Variants in NBAS observed in about 807,000 individuals in gnomAD.
NBAS encodes the protein NBAS subunit of NRZ tethering complex, also known as NAG/BC035112 fusion.
NBAS carries 219 observed loss-of-function variants against 302.5 expected under a neutral mutation model. That is an observed-to-expected ratio of 0.72 (90% CI 0.65 to 0.81). The LOEUF (loss-of-function observed/expected upper bound fraction) is 0.81, where lower values mean the gene tolerates loss of function less well. Ranked by LOEUF, NBAS falls within the 30% of genes least tolerant of loss-of-function variation. NBAS has a pLI of 0.00. For missense variants in NBAS, 2,932 were observed against 2,841.6 expected (o/e 1.03, Z -0.72); for synonymous variants, 1,118 against 1,021.6 (o/e 1.09, Z -1.80).
chr2:15,243,778 A>G (rs1667967813), intron 44 of NBAS, among the ~76,000 whole-genome samples: 1 of 152,214 alleles, frequency 6.6e-6, no homozygotes, highest in East Asian at 1.9e-4. Context: ...GCAGGAGTGA[A>G]ACAAAATAAA....
the NBAS span, among the ~76,000 whole-genome samples, chr2:14,790,268 G>A: frequency 6.6e-6 from 1 of 152,084 alleles, no homozygotes. Context: ...TTCCACACTG[G>A]TAACATAAGA....
At chr2:15,160,195 G>C in the NBAS span, among the ~76,000 whole-genome samples, 1 of 152,112 alleles carries the variant, frequency 6.6e-6, no homozygotes, top group African/African-American at 2.4e-5. Flanking sequence ...AGATCCTGGA[G>C]TGGAGAGACG....
chr2:14,780,771 C>T, the NBAS span, among the ~76,000 whole-genome samples: 1 of 152,216 alleles, frequency 6.6e-6, no homozygotes, highest in Non-Finnish European at 1.5e-5. Flanking sequence ...AAATCTTTAT[C>T]ATGCTGCACT....
chr2:15,199,174 G>C (rs1209864704), intron 48 of NBAS, among the ~76,000 whole-genome samples: 2 of 140,094 alleles, frequency 1.4e-5, no homozygotes, highest in Admixed American at 7.1e-5. Flanking sequence ...TTAAGTTGAA[G>C]AAACAACTAC....
the NBAS span, among the ~76,000 whole-genome samples, chr2:14,967,726 C>A: frequency 6.6e-6 from 1 of 152,068 alleles, no homozygotes; most frequent in Non-Finnish European, 1.5e-5. Flanking sequence ...TAATCAAAAT[C>A]AAAACTTTTG....
intron 51 of NBAS, among the ~76,000 whole-genome samples, chr2:15,176,797 T>A (rs1014053809): frequency 2.0e-5 from 3 of 152,184 alleles, no homozygotes; most frequent in African/African-American, 7.2e-5. Flanking sequence ...ACCTGTATAC[T>A]CTAGTCATGA....
rs1043724610 is a variant in NBAS, at chr2:15,498,610, C to A, written c.954+5535G>T. Among the ~76,000 whole-genome samples the A allele has an allele frequency of 6.6e-5, 10 of 152,250 alleles. 1 individual carries two copies. The South Asian group carries it at 1.0e-3, about 16-fold the overall frequency. ...GATATGGTTTGGATCTGCGTCCCCA[C>A]CCAAATCCCATGTCAAATTGGAGGG... On this transcript the variant is annotated intron_variant, in intron 11 of 51. Coordinates refer to ENST00000281513, the MANE Select transcript of NBAS (RefSeq NM_015909.4).
At chr2:15,127,417 G>A in the NBAS span, among the ~76,000 whole-genome samples, 2 of 152,290 alleles carry the variant, frequency 1.3e-5, no homozygotes, top group Non-Finnish European at 2.9e-5. Flanking sequence ...CAACAGCCCT[G>A]GCTGTTACTT....
At chr2:14,824,382 A>C in the NBAS span, among the ~76,000 whole-genome samples, 3 of 152,248 alleles carry the variant, frequency 2.0e-5, no homozygotes, top group Admixed American at 6.5e-5. Flanking sequence ...AAATAAAATT[A>C]CAATGCTATT....
intron 12 of NBAS, among the ~76,000 whole-genome samples, chr2:15,487,785 T>G (rs887580259): frequency 6.6e-6 from 1 of 152,146 alleles, no homozygotes; most frequent in African/African-American, 2.4e-5. Flanking sequence ...GTCCCTTTTA[T>G]TTAGCCACCA....
At chr2:14,976,648 G>C in the NBAS span, among the ~76,000 whole-genome samples, 1 of 152,152 alleles carries the variant, frequency 6.6e-6, no homozygotes. Context: ...GACTTTATTT[G>C]AAAAAAGTTT....
At chr2:15,490,757 C>T (rs562177345) in intron 11 of NBAS, among the ~76,000 whole-genome samples, 3 of 152,328 alleles carry the variant, frequency 2.0e-5, no homozygotes, top group Admixed American at 6.5e-5. Context: ...AACCAGGGCA[C>T]GTCCATGAGC....
At chr2:15,328,885 T>G (rs983522731) in intron 36 of NBAS, among the ~76,000 whole-genome samples, 1 of 152,216 alleles carries the variant, frequency 6.6e-6, no homozygotes, top group African/African-American at 2.4e-5. Context: ...GGTCCTGCCA[T>G]GCCGACTGCC....
chr2:15,127,778 T>G, the NBAS span, among the ~76,000 whole-genome samples: 2 of 152,068 alleles, frequency 1.3e-5, no homozygotes, highest in South Asian at 2.1e-4. Flanking sequence ...TGAAGGGGAA[T>G]GGCCTGAACA....
At chr2:14,898,703 C>A in the NBAS span, among the ~76,000 whole-genome samples, 4,503 of 152,244 alleles carry the variant, frequency 0.03, 244 homozygotes, top group African/African-American at 0.1. Flanking sequence ...TCTCTCTTTG[C>A]CTGCTGCCAT....
intron 41 of NBAS, among the ~76,000 whole-genome samples, chr2:15,291,246 C>A (rs1670291350): frequency 6.6e-6 from 1 of 152,172 alleles, no homozygotes; most frequent in Non-Finnish European, 1.5e-5. Context: ...AGCTGTGATT[C>A]TCACCATCTA....
At chr2:15,217,019 G>T (rs1372131834) in intron 48 of NBAS, among the ~76,000 whole-genome samples, 2 of 152,132 alleles carry the variant, frequency 1.3e-5, no homozygotes, top group East Asian at 3.9e-4. Flanking sequence ...CTAATTTAGG[G>T]TTTTCCCCAG....
chr2:15,196,161 T>C (rs1665610539), intron 48 of NBAS, among the ~76,000 whole-genome samples: 1 of 152,216 alleles, frequency 6.6e-6, no homozygotes, highest in Admixed American at 6.5e-5. Context: ...TTACATCCTT[T>C]GGATGAGTTC....
At chr2:14,903,707 A>C in the NBAS span, among the ~76,000 whole-genome samples, 1 of 152,270 alleles carries the variant, frequency 6.6e-6, no homozygotes, top group Non-Finnish European at 1.5e-5. Flanking sequence ...CTGTTTTCAC[A>C]GGAGCAGAAT....
Sources: allele counts gnomAD v4.1 joint callset (sites outside exome capture counted in the v4.1 genomes callset), GRCh38; gene constraint gnomAD v4.1.1; transcripts MANE v1.5; gene names NCBI Gene and HGNC (gene_info 2026-07-23, HGNC 2026-07-21).